Variants in PUM1 observed in about 807,000 individuals in gnomAD.
PUM1 encodes the protein pumilio homolog 1.
PUM1 carries 13 observed loss-of-function variants against 131.8 expected under a neutral mutation model. That is an observed-to-expected ratio of 0.10 (90% CI 0.06 to 0.16). The LOEUF (loss-of-function observed/expected upper bound fraction) is 0.16, where lower values mean the gene tolerates loss of function less well. Ranked by LOEUF, PUM1 falls within the 10% of genes least tolerant of loss-of-function variation. The pLI is 1.00. For synonymous variants in PUM1, 509 were observed against 556.5 expected, an observed-to-expected ratio of 0.91 and a Z score of 1.20; for missense variants, 961 against 1,512.4, an observed-to-expected ratio of 0.64 and a Z score of 6.05.
At chr1:30,959,030 A>G (rs534835495) in intron 14 of PUM1, among the ~76,000 whole-genome samples, 4 of 152,324 alleles carry the variant, frequency 2.6e-5, no homozygotes, top group South Asian at 4.1e-4. Flanking sequence ...TTTAGATGAA[A>G]TGGACAAATT....
chr1:30,967,241 C>A lies in PUM1; in HGVS notation c.1715G>T (p.Arg572Ile). The change falls in exon 12 of 22, where the codon AGA becomes ATA. Residue 572 changes from arginine (R) to isoleucine (I), a missense_variant. By Grantham distance (97) the Arg-to-Ile change is moderately conservative. Transcript: ENST00000426105. ...TCGAACAGGAGCTCCAAGACCATTT[C>A]TCGCGCCTGCATTCACTACAAGGGC... ...TGALVVNAGA[R>I]NGLGAPVRLV... 6.2e-7 allele frequency: 1 copy of A among 1,614,114 alleles called. No individual in the cohort carries two copies. The highest frequency in any genetic ancestry group is 8.5e-7 in the Non-Finnish European group (1 of 1,180,008).
At chr1:31,032,733 G>A (rs1185663468) in intron 2 of PUM1, among the ~76,000 whole-genome samples, 12 of 152,128 alleles carry the variant, frequency 7.9e-5, no homozygotes, top group African/African-American at 1.9e-4. Flanking sequence ...CTTGAGCCTC[G>A]GAGATGGAGG....
chr1:31,011,891 AAAG>A (rs1341210967), intron 3 of PUM1, among the ~76,000 whole-genome samples: 2 of 152,242 alleles, frequency 1.3e-5, no homozygotes, highest in East Asian at 3.8e-4. Context: ...GACAATTCCA[AAAG>A]AAGATAACAG....
At chr1:31,028,896 C>T in intron 2 of PUM1, 32 bp from the exon 3 acceptor site, 2 of 1,564,498 alleles carry the variant, frequency 1.3e-6, no homozygotes, top group Non-Finnish European at 1.8e-6. Flanking sequence ...GAAAAATCTT[C>T]AAGTCAGCAT....
At chr1:30,941,392 T>C (rs1639433974) in intron 19 of PUM1, 120 bp from the exon 20 acceptor site, 5 of 1,035,706 alleles carry the variant, frequency 4.8e-6, no homozygotes, top group Non-Finnish European at 5.4e-6. Context: ...TTTATATGAA[T>C]ACTAATGAAC....
intron 14 of PUM1, among the ~76,000 whole-genome samples, chr1:30,957,532 A>AAGGGACAGTGGTGG (rs907827024): frequency 2.0e-5 from 3 of 152,246 alleles, no homozygotes; most frequent in African/African-American, 7.2e-5. Flanking sequence ...TAAGGCTTCA[A>AAGGGACAGTGGTGG]AGGGACAGTG....
chr1:30,966,430 G>A, intron 12 of PUM1, 152 bp from the exon 13 acceptor site: 1 of 715,156 alleles, frequency 1.4e-6, no homozygotes, highest in Non-Finnish European at 2.2e-6. Context: ...CCCTTCATAT[G>A]AAGCTTCTAT....
intron 17 of PUM1, among the ~76,000 whole-genome samples, chr1:30,949,601 C>T (rs966913924): frequency 4.0e-5 from 6 of 151,728 alleles, no homozygotes; most frequent in Admixed American, 3.9e-4. Context: ...CATGGCTCTT[C>T]CCCACCAGAA....
intron 6 of PUM1, among the ~76,000 whole-genome samples, 200 bp downstream of exon 6, chr1:30,994,854 C>T (rs951031757): frequency 1.3e-5 from 2 of 152,160 alleles, no homozygotes; most frequent in African/African-American, 4.8e-5. Flanking sequence ...ATTTTGGCAA[C>T]GCTTCAGGCA....
At chr1:30,959,191 A>C (rs1640301331) in intron 14 of PUM1, among the ~76,000 whole-genome samples, 1 of 152,232 alleles carries the variant, frequency 6.6e-6, no homozygotes, top group Non-Finnish European at 1.5e-5. Context: ...CAAGTTTATC[A>C]AATGTTTAAA....
Position 30,974,804 on chromosome 1 carries a change from TA to T in PUM1, c.1355-3del. The T allele has an allele frequency of 6.2e-7, 1 of 1,600,110 alleles. No individual in the cohort carries two copies. The highest frequency in any genetic ancestry group is 8.5e-7 in the Non-Finnish European group (1 of 1,172,830). ...ACTGGTGAGGGACCACAGCTGGGCC[TA>T]AAAATAGCAAAAGAAAGGTAAAGAA... On this transcript the variant is annotated splice_polypyrimidine_tract_variant and splice_region_variant and intron_variant, in intron 9 of 21. Transcript: ENST00000426105.
chr1:31,044,687 T>TA (rs1643911373), intron 2 of PUM1, among the ~76,000 whole-genome samples: 1 of 152,078 alleles, frequency 6.6e-6, no homozygotes. Flanking sequence ...GAACTATATA[T>TA]TTTTTTTAAG....
chr1:31,038,869 G>A (rs1643702534), intron 2 of PUM1, among the ~76,000 whole-genome samples: 1 of 146,240 alleles, frequency 6.8e-6, no homozygotes, highest in Non-Finnish European at 1.5e-5. Context: ...TACTGTAATA[G>A]GAAAAGATGG....
At chr1:30,950,100 A>G (rs1361788186) in intron 17 of PUM1, 27 bp downstream of exon 17, 1 of 1,604,500 alleles carries the variant, frequency 6.2e-7, no homozygotes. Context: ...ATCAAACACC[A>G]AGAGAAAAGT....
chr1:31,002,120 T>C (rs1642238244), intron 5 of PUM1, among the ~76,000 whole-genome samples: 1 of 152,216 alleles, frequency 6.6e-6, no homozygotes, highest in African/African-American at 2.4e-5. Context: ...ATTTTGCAGA[T>C]GAATTAAGGT....
intron 14 of PUM1, among the ~76,000 whole-genome samples, chr1:30,962,264 T>G (rs1348150825): frequency 6.6e-6 from 1 of 152,202 alleles, no homozygotes; most frequent in Non-Finnish European, 1.5e-5. Context: ...ACACTAATAG[T>G]TATTTCCTTC....
At chr1:30,937,079 C>T (rs767595974) in intron 20 of PUM1, among the ~76,000 whole-genome samples, 6 of 152,062 alleles carry the variant, frequency 3.9e-5, no homozygotes, top group Non-Finnish European at 8.8e-5. Context: ...CTCCAATCCA[C>T]GGGGACTATA....
At chr1:31,024,414 C>G (rs1461763892) in intron 3 of PUM1, among the ~76,000 whole-genome samples, 1 of 152,168 alleles carries the variant, frequency 6.6e-6, no homozygotes, top group East Asian at 1.9e-4. Flanking sequence ...TATCCTAATT[C>G]CTGTGAATAA....
At chr1:31,041,552 T>C (rs1643816157) in intron 2 of PUM1, among the ~76,000 whole-genome samples, 1 of 152,118 alleles carries the variant, frequency 6.6e-6, no homozygotes, top group Admixed American at 6.6e-5. Context: ...TGGGGGCCCA[T>C]CCCTCAGGAA....
Sources: gnomAD v4.1 joint callset for allele counts (sites outside exome capture counted in the v4.1 genomes callset) on GRCh38, gnomAD v4.1.1 for gene constraint, MANE v1.5 for transcripts, NCBI Gene and HGNC (gene_info 2026-07-23, HGNC 2026-07-21) for gene names.